Variants in ZBED4 observed in about 807,000 individuals in gnomAD.
The protein encoded by ZBED4 is zinc finger BED domain-containing protein 4.
A neutral mutation model predicts 15.5 loss-of-function variants in ZBED4; 4 were observed. That is an observed-to-expected ratio of 0.26 (90% CI 0.13 to 0.59). ZBED4 has a LOEUF of 0.59. ZBED4 is among the 20% of genes least tolerant of loss of function. The pLI is 0.90. For synonymous variants in ZBED4, 692 were observed against 608.5 expected (o/e 1.14, Z -2.02); for missense variants, 1,323 against 1,461.8 (o/e 0.91, Z 1.55).
Position 49,885,785 on chromosome 22 carries a change from T to G in ZBED4, c.2123T>G (p.Met708Arg). ...TTCTCCAGGACAGCTATCCCAGGTATGTATGATAATGTGAAGCAGATAATT... is the reference window on the plus strand; with the variant it reads ...TTCTCCAGGACAGCTATCCCAGGTAGGTATGATAATGTGAAGCAGATAATT... ...SYFSRTAIPG[M>R]YDNVKQIIMS... Residue 708 changes from methionine (M) to arginine (R), a missense_variant, in exon 2 of 2, where the codon ATG becomes AGG. Coordinates refer to ENST00000216268, the MANE Select transcript of ZBED4 (RefSeq NM_014838.3). The G allele has an allele frequency of 2.5e-6, 4 of 1,605,234 alleles. No homozygotes were observed. The highest frequency in any genetic ancestry group is 3.4e-6 in the Non-Finnish European group (4 of 1,173,270).
At position 49,884,128 on chromosome 22, in the gene ZBED4, T is replaced by C; in HGVS notation, c.466T>C (p.Cys156Arg). The part of the protein sequence containing the change: ...GKNEKDLSTS[C>R]LMRHVRRAHP... ...AAACGAGAAAGACTTGAGTACCAGT[T>C]GTCTCATGAGGCACGTGAGGCGCGC... is the stretch of plus-strand genomic sequence containing the variant. Residue 156 changes from cysteine to arginine, a missense_variant, in exon 2 of 2, where the codon TGT becomes CGT. This residue lies in a region of ZBED4 where 380 missense variants were observed against 413.7 expected (regional missense o/e 0.92). Coordinates refer to ENST00000216268, the MANE Select transcript of ZBED4 (RefSeq NM_014838.3). The C allele has an allele frequency of 6.2e-7, 1 of 1,613,668 alleles. No homozygotes were observed. The highest frequency in any genetic ancestry group is 2.2e-5 in the East Asian group (1 of 44,870).
chr22:49,859,704 G>GTTAAAATTAATTTTAATTTTCA (rs2147500606), intron 1 of ZBED4, among the ~76,000 whole-genome samples: 1 of 152,316 alleles, frequency 6.6e-6, no homozygotes, highest in South Asian at 2.1e-4. Flanking sequence ...TTGAATTATA[G>GTTAAAATTAATTTTAATTTTCA]TTAAAATTAA....
intron 1 of ZBED4, among the ~76,000 whole-genome samples, chr22:49,857,914 C>T (rs1219859803): frequency 2.6e-5 from 4 of 152,174 alleles, no homozygotes; most frequent in Admixed American, 6.6e-5. Context: ...CGTGCGCCAC[C>T]GTGCCCGGTT....
At chr22:49,865,199 C>T (rs539950229) in intron 1 of ZBED4, among the ~76,000 whole-genome samples, 1 of 152,184 alleles carries the variant, frequency 6.6e-6, no homozygotes, top group South Asian at 2.1e-4. Flanking sequence ...TACACTGAAG[C>T]CTGTAGGCAT....
chr22:49,857,427 C>T (rs2056068242), intron 1 of ZBED4, among the ~76,000 whole-genome samples: 1 of 152,238 alleles, frequency 6.6e-6, no homozygotes, highest in Admixed American at 6.5e-5. Context: ...GGATGGAACA[C>T]GGACCAGCTG....
rs778589268 is a variant in ZBED4, at chr22:49,885,378, A to G, written c.1716A>G (p.Ala572=). ...GGAATCATTTTTCTATTTGCTCCGC[A>G]GACTCCACAAAAGTCGTGTGCTTGC... ...KLWNHFSICS[A]DSTKVVCLHC... Residue 572 remains alanine, a synonymous_variant, in exon 2 of 2, where the codon GCA becomes GCG. Transcript: ENST00000216268. 9.8e-5 allele frequency: 157 copies of G among 1,595,488 alleles called. No individual in the cohort carries two copies. The Admixed American group carries it at 2.5e-3, about 25-fold the overall frequency.
At position 49,871,765 on chromosome 22, in the gene ZBED4, T is replaced by TTATTTATTTA. The variant is rs1205280233; in HGVS notation, c.-329-11568_-329-11567insATTTATTTAT. Among the ~76,000 whole-genome samples the TTATTTATTTA allele has an allele frequency of 3.6e-3, 534 of 147,158 alleles. 3 individuals carry two copies. The highest frequency in any genetic ancestry group is 0.014 in the Middle Eastern group (4 of 290). On this transcript the variant is annotated intron_variant, in intron 1 of 1. Transcript: ENST00000216268. ...AATTTATTTATTTATTTATTTTTTTTTTTTTTTGAGACAGAGTCTTACTCT... is the reference window on the plus strand; with the variant it reads ...AATTTATTTATTTATTTATTTTTTTTTATTTATTTATTTTTTTGAGACAGAGTCTTACTCT...
In ZBED4 at chr22:49,888,427, T is replaced by A. The variant is rs1411315621; in HGVS notation, c.*1249T>A. ...TGAACTCAGTTTCTGAAATTAAACT[T>A]CTTATTTGCAATTTTCTAGTGCTGG... is the stretch of plus-strand genomic sequence containing the variant. On this transcript the variant is annotated 3_prime_UTR_variant, in exon 2 of 2. Transcript: ENST00000216268. 6.0e-6 allele frequency: 1 copy of A among 167,240 alleles called. No individual in the cohort carries two copies. Among genetic ancestry groups the A allele is most frequent in the East Asian group, 1.9e-4 (1 of 5,342 alleles). 10.4% of individuals were successfully genotyped at this position (167,240 alleles called of 1,614,324 possible).
chr22:49,863,625 C>CA (rs59800105), intron 1 of ZBED4, among the ~76,000 whole-genome samples: 8,428 of 94,152 alleles, frequency 0.09, 327 homozygotes, highest in South Asian at 0.23. Flanking sequence ...GACTCCGTCT[C>CA]AAAAAAAAAA....
chr22:49,862,523 G>A (rs893382055), intron 1 of ZBED4, among the ~76,000 whole-genome samples: 1 of 152,110 alleles, frequency 6.6e-6, no homozygotes, highest in African/African-American at 2.4e-5. Context: ...GGACACAGTT[G>A]TAACTGGTGC....
chr22:49,878,336 A>C (rs2060389129), intron 1 of ZBED4, among the ~76,000 whole-genome samples: 1 of 150,482 alleles, frequency 6.6e-6, no homozygotes, highest in African/African-American at 2.4e-5. Context: ...ATACAGAGAT[A>C]GGCTTTCATT....
At chr22:49,864,740 GGGCCCAGGAGTTTGAGGCTACA>G (rs1190643332) in intron 1 of ZBED4, among the ~76,000 whole-genome samples, 4 of 142,532 alleles carry the variant, frequency 2.8e-5, no homozygotes, top group South Asian at 4.7e-4. Flanking sequence ...AGGATTGCTT[GGGCCCAGGAGTTTGAGGCTACA>G]GTGAGCTGAG....
At chr22:49,862,692 CCT>C (rs2060302623) in intron 1 of ZBED4, among the ~76,000 whole-genome samples, 2 of 98,748 alleles carry the variant, frequency 2.0e-5, no homozygotes, top group Admixed American at 1.2e-4. Context: ...TTAAGTTTTT[CCT>C]TTTTTTTTTT....
intron 1 of ZBED4, among the ~76,000 whole-genome samples, chr22:49,864,508 C>G (rs558950805): frequency 6.6e-6 from 1 of 152,150 alleles, no homozygotes; most frequent in Admixed American, 6.5e-5. Context: ...CCATCAAAGT[C>G]GAAAATGCAC....
In ZBED4 at chr22:49,889,207, G is replaced by A. The variant is rs560611083; in HGVS notation, c.*2029G>A. ...TCACAGAGCATATAGTCTAGTCCAC[G>A]ATTGGCAAGCTGCAACCACAGACCC... On this transcript the variant is annotated 3_prime_UTR_variant, in exon 2 of 2. Coordinates refer to ENST00000216268, the MANE Select transcript of ZBED4 (RefSeq NM_014838.3). 4.2e-5 allele frequency: 7 copies of A among 167,164 alleles called. No individual in the cohort carries two copies. The highest frequency in any genetic ancestry group is 4.1e-4 in the South Asian group (2 of 4,828). 10.4% of individuals were successfully genotyped at this position (167,164 alleles called of 1,614,324 possible).
In ZBED4 at chr22:49,886,372, G is replaced by A; in HGVS notation, c.2710G>A (p.Glu904Lys). 6.2e-7 allele frequency: 1 copy of A among 1,610,992 alleles called. No homozygotes were observed. The highest frequency in any genetic ancestry group is 8.5e-7 in the Non-Finnish European group (1 of 1,177,864). ...CTTCCACATGCTCGAGCGGCTCATT[G>A]AGCAGAAAAGGGCCATTAACGAGAT... The part of the protein sequence containing the change: ...TSFHMLERLI[E>K]QKRAINEMSV... Residue 904 changes from glutamate to lysine, a missense_variant, in exon 2 of 2, where the codon GAG becomes AAG. By Grantham distance (56) the Glu-to-Lys change is moderately conservative (BLOSUM62 1). Coordinates refer to ENST00000216268, the MANE Select transcript of ZBED4 (RefSeq NM_014838.3). This position sits in a 1 kb window ranked among gnomAD's most constrained non-coding sequence, Gnocchi z 7.7.
rs530611236 is a variant in ZBED4 at position 49,877,048 on chromosome 22, A to G, written c.-329-6286A>G. Among the ~76,000 whole-genome samples the G allele has an allele frequency of 3.3e-5, 5 of 152,300 alleles. No homozygotes were observed. The East Asian group carries it at 9.6e-4, about 29-fold the overall frequency. On this transcript the variant is annotated intron_variant, in intron 1 of 1. Transcript: ENST00000216268. ...TTTATGTTTTATTTTCACATTGAAAATCAGTCAGATTTACCTCAGCCTCAA... is the reference window on the plus strand; with the variant it reads ...TTTATGTTTTATTTTCACATTGAAAGTCAGTCAGATTTACCTCAGCCTCAA...
In ZBED4 at chr22:49,881,071, C is replaced by T. The variant is rs139367601; in HGVS notation, c.-329-2263C>T. Among the ~76,000 whole-genome samples, 786 of 152,334 alleles carry T rather than the reference C, an allele frequency of 5.2e-3. 3 individuals are homozygous for T. The highest frequency in any genetic ancestry group is 0.018 in the African/African-American group (756 of 41,588). ...AAAAATGTTTCATTTTCTGGCCAGGCGCAGTGGCTCAGGCCTGTAAACCCA... is the reference window on the plus strand; with the variant it reads ...AAAAATGTTTCATTTTCTGGCCAGGTGCAGTGGCTCAGGCCTGTAAACCCA... On this transcript the variant is annotated intron_variant, in intron 1 of 1. Coordinates refer to ENST00000216268, the MANE Select transcript of ZBED4 (RefSeq NM_014838.3).
rs780699995 is a variant in ZBED4, at chr22:49,887,181, C to T, written c.*3C>T. 1.2e-6 allele frequency: 2 copies of T among 1,600,890 alleles called. No homozygotes were observed. Among genetic ancestry groups the T allele is most frequent in the Non-Finnish European group, 8.5e-7 (1 of 1,172,266 alleles). ...CCTTAATATACTTTCAGTATTGAAA[C>T]TCACGACGGCACCACTAGGCCAGAG... On this transcript the variant is annotated 3_prime_UTR_variant, in exon 2 of 2. Coordinates refer to ENST00000216268, the MANE Select transcript of ZBED4 (RefSeq NM_014838.3).
Sources: allele counts gnomAD v4.1 joint callset (sites outside exome capture counted in the v4.1 genomes callset), GRCh38; gene constraint gnomAD v4.1.1; regional missense constraint gnomAD v4.1.1; non-coding constraint Gnocchi (gnomAD v3.1); transcripts MANE v1.5; gene names NCBI Gene and HGNC (gene_info 2026-07-23, HGNC 2026-07-21).